AGO3: variants seen among roughly 807,000 people sequenced by gnomAD.
The protein encoded by AGO3 is protein argonaute-3.
In AGO3, 16 loss-of-function variants were observed where a neutral mutation model predicts 105.5. The ratio of observed to expected loss-of-function variants is 0.15; its 90% CI spans 0.10 to 0.23. The LOEUF (loss-of-function observed/expected upper bound fraction) is 0.23. AGO3 is among the 10% of genes least tolerant of loss of function. The pLI, the probability that AGO3 is intolerant of heterozygous loss-of-function variation, is 1.00. For missense variants in AGO3, 534 were observed against 1,088.0 expected (o/e 0.49, Z 7.16); for synonymous variants, 340 against 367.3 (o/e 0.93, Z 0.85).
chr1:36,034,104 T>TTTATTTTCAGTATGTAAAA (rs1641904896), intron 12 of AGO3, 70 bp from the exon 13 acceptor site: 1 of 1,381,736 alleles, frequency 7.2e-7, no homozygotes, highest in Non-Finnish European at 9.5e-7. Flanking sequence ...ACATAGTAGC[T>TTTATTTTCAGTATGTAAAA]TTATTTTCAG....
At chr1:36,039,222 G>A (rs1033783055) in intron 14 of AGO3, among the ~76,000 whole-genome samples, 2 of 152,032 alleles carry the variant, frequency 1.3e-5, no homozygotes, top group African/African-American at 4.8e-5. Flanking sequence ...TAGGCTGGGT[G>A]CGGTGGCTCA....
chr1:36,005,927 TG>T, intron 6 of AGO3: 9 of 977,562 alleles, frequency 9.2e-6, no homozygotes, highest in Non-Finnish European at 1.1e-5. Context: ...ATGGAGGGTT[TG>T]GGGAGGGACC....
intron 17 of AGO3, among the ~76,000 whole-genome samples, chr1:36,052,145 C>A (rs977056695): frequency 6.6e-6 from 1 of 151,948 alleles, no homozygotes; most frequent in Non-Finnish European, 1.5e-5. Context: ...TTACAATAGG[C>A]AAGATATGGA....
intron 12 of AGO3, among the ~76,000 whole-genome samples, chr1:36,031,910 G>GT (rs372776608): frequency 0.015 from 2,262 of 148,518 alleles, 51 homozygotes; most frequent in African/African-American, 0.053. Flanking sequence ...GGGGGCGGGG[G>GT]GTGTGTGTGT....
intron 2 of AGO3, among the ~76,000 whole-genome samples, chr1:35,966,716 G>C (rs1646781600): frequency 6.6e-6 from 1 of 152,136 alleles, no homozygotes; most frequent in Non-Finnish European, 1.5e-5. Context: ...ATGTATCCTG[G>C]AATGATTAAG....
intron 2 of AGO3, among the ~76,000 whole-genome samples, chr1:35,962,699 C>T (rs1014206194): frequency 2.6e-5 from 4 of 151,566 alleles, no homozygotes; most frequent in Non-Finnish European, 5.9e-5. Context: ...AAGTATAAGC[C>T]GTTTAGTAGG....
At chr1:36,021,108 A>G (rs1426837214) in intron 11 of AGO3, among the ~76,000 whole-genome samples, 1 of 150,832 alleles carries the variant, frequency 6.6e-6, no homozygotes, top group African/African-American at 2.4e-5. Flanking sequence ...AATTTTTTGT[A>G]TTTTTAGTTG....
At chr1:35,967,152 T>C in intron 3 of AGO3, 77 bp downstream of exon 3, 2 of 1,495,748 alleles carry the variant, frequency 1.3e-6, no homozygotes, top group East Asian at 4.6e-5. Context: ...ACCATTTTTA[T>C]TACAGTCCAT....
chr1:36,022,297 A>G (rs1184432656), intron 11 of AGO3, among the ~76,000 whole-genome samples: 4 of 151,960 alleles, frequency 2.6e-5, no homozygotes, highest in Admixed American at 6.6e-5. Context: ...AAACTCCTGG[A>G]CTCAAGTGAT....
Position 36,008,654 on chromosome 1 carries a change from C to T in AGO3, c.794-36C>T, listed in dbSNP as rs1435565901. The T allele has an allele frequency of 2.5e-6, 4 of 1,587,164 alleles. No individual in the cohort carries two copies. The highest frequency in any genetic ancestry group is 3.5e-6 in the Non-Finnish European group (4 of 1,157,124). On this transcript the variant is annotated intron_variant, in intron 6 of 18. Coordinates refer to ENST00000373191, the MANE Select transcript of AGO3 (RefSeq NM_024852.4). This position sits in a 1 kb window ranked among gnomAD's most constrained non-coding sequence, Gnocchi z 5.1. ...ATAAGTATAAATATTTTACATGTGA[C>T]AGTTCTGTAACCTCCATTTTTCTTG... is the stretch of plus-strand genomic sequence containing the variant.
intron 2 of AGO3, among the ~76,000 whole-genome samples, chr1:35,948,419 A>G (rs1046802949): frequency 7.9e-5 from 12 of 151,802 alleles, no homozygotes; most frequent in Non-Finnish European, 1.6e-4. Context: ...GGGTTTCTCC[A>G]TGTTGGCCCA....
At chr1:36,006,135 T>C (rs1177192125) in intron 6 of AGO3, among the ~76,000 whole-genome samples, 1 of 151,920 alleles carries the variant, frequency 6.6e-6, no homozygotes, top group East Asian at 1.9e-4. Context: ...GAAGGCTCTT[T>C]AAAGTACATC....
chr1:36,049,234 T>C (rs367686650), intron 17 of AGO3, among the ~76,000 whole-genome samples: 58 of 151,870 alleles, frequency 3.8e-4, no homozygotes, highest in Admixed American at 6.6e-4. Context: ...AAAAATTCTA[T>C]TGGGGCTGGG....
In AGO3 at chr1:36,058,777, C is replaced by T. The variant is rs1051130371; in HGVS notation, c.*3032C>T. 2 of 152,110 alleles carry T rather than the reference C, an allele frequency of 1.3e-5. No homozygotes were observed. The highest frequency in any genetic ancestry group is 1.5e-5 in the Non-Finnish European group (1 of 68,008). The allele number at this position is 152,110 out of a possible 1,614,324, so 9.4% of individuals were successfully genotyped here. A position where few individuals can be genotyped will look rare whatever the true frequency, so the allele number is the denominator to read the frequency against. Reference sequence around the variant, plus strand: ...AAAGGTAATATTTGTATCGTATATACATTTTTTCTCCCAGCCTTCTCCCAT... The same window carrying T: ...AAAGGTAATATTTGTATCGTATATATATTTTTTCTCCCAGCCTTCTCCCAT... On this transcript the variant is annotated 3_prime_UTR_variant, in exon 19 of 19. Coordinates refer to ENST00000373191, the MANE Select transcript of AGO3 (RefSeq NM_024852.4).
At chr1:35,989,134 T>G (rs1647378748) in intron 5 of AGO3, among the ~76,000 whole-genome samples, 1 of 152,186 alleles carries the variant, frequency 6.6e-6, no homozygotes, top group Admixed American at 6.5e-5. Flanking sequence ...AGGGATCCAT[T>G]GTAGTCTCAC....
intron 2 of AGO3, among the ~76,000 whole-genome samples, chr1:35,949,360 G>A (rs768079825): frequency 5.3e-4 from 80 of 152,128 alleles, no homozygotes; most frequent in Non-Finnish European, 6.2e-4. Context: ...AACTTATTCC[G>A]TTTTCTTCAG....
In AGO3 at chr1:36,066,930, C is replaced by G. The variant is rs970832359; in HGVS notation, c.*11185C>G. 11 of 152,164 alleles carry G rather than the reference C, an allele frequency of 7.2e-5. No individual in the cohort carries two copies. The highest frequency in any genetic ancestry group is 2.7e-4 in the African/African-American group (11 of 41,438). The allele number at this position is 152,164 out of a possible 1,614,324, so 9.4% of individuals were successfully genotyped here. A position where few individuals can be genotyped will look rare whatever the true frequency, so the allele number is the denominator to read the frequency against. Reference sequence around the variant, plus strand: ...TGCTATTTGAACCTACAGAAGAGACCTAAGACGAGCGTCTCTGTAATCTAA... The same window carrying G: ...TGCTATTTGAACCTACAGAAGAGACGTAAGACGAGCGTCTCTGTAATCTAA... On this transcript the variant is annotated 3_prime_UTR_variant, in exon 19 of 19. Transcript: ENST00000373191.
Position 36,064,356 on chromosome 1 carries a change from G to C in AGO3, c.*8611G>C. ...GATCGCGCCATTGCACTCCAGCCTG[G>C]GCAACAAGAGTGAAACTCCATCTCA... On this transcript the variant is annotated 3_prime_UTR_variant, in exon 19 of 19. Transcript: ENST00000373191. The C allele has an allele frequency of 6.6e-6, 1 of 152,222 alleles. No homozygotes were observed. The highest frequency in any genetic ancestry group is 1.5e-5 in the Non-Finnish European group (1 of 68,148). 9.4% of individuals were successfully genotyped at this position (152,222 alleles called of 1,614,324 possible).
chr1:36,013,853 A>G lies in AGO3; in HGVS notation c.1273-62A>G, dbSNP rs974595411. On this transcript the variant is annotated intron_variant, in intron 10 of 18. Coordinates refer to ENST00000373191, the MANE Select transcript of AGO3 (RefSeq NM_024852.4). ...TTCAATTCAGCGATTTGAAATGTTT[A>G]CTTTCTGTTTATTGAAAATTTTTGT... 3.7e-6 allele frequency: 6 copies of G among 1,602,490 alleles called. No homozygotes were observed. In the African/African-American group the frequency reaches 6.7e-5, roughly 18 times the overall value.
Sources: gnomAD v4.1 joint callset for allele counts (sites outside exome capture counted in the v4.1 genomes callset) on GRCh38, gnomAD v4.1.1 for gene constraint, Gnocchi (gnomAD v3.1) non-coding constraint, MANE v1.5 for transcripts, NCBI Gene and HGNC (gene_info 2026-07-23, HGNC 2026-07-21) for gene names.